The following LNX1 variants were observed in gnomAD, a reference collection of about 807,000 sequenced individuals.
The protein encoded by LNX1 is E3 ubiquitin-protein ligase LNX.
In LNX1, 54 loss-of-function variants were observed where a neutral mutation model predicts 68.4. The ratio of observed to expected loss-of-function variants is 0.79; its 90% confidence interval spans 0.63 to 0.99. The LOEUF is 0.99. Ranked by LOEUF, LNX1 falls within the 50% of genes least tolerant of loss-of-function variation. The probability of loss-of-function intolerance (pLI) is 0.00; values close to 1 mark genes in which losing one functional copy is unlikely to be tolerated. For synonymous variants in LNX1, 336 were observed against 350.0 expected (o/e 0.96, Z 0.45); for missense variants, 906 against 926.4 (o/e 0.98, Z 0.29).
At chr4:53,592,026 A>G (rs1389123482), upstream of LNX1, among the ~76,000 whole-genome samples, 3 of 152,310 alleles carry the variant, frequency 2.0e-5, no homozygotes, top group East Asian at 5.8e-4. Context: ...CTTTTAAACA[A>G]TTTGAAATAG....
chr4:53,525,939 T>G (rs1727580005), intron 2 of LNX1, among the ~76,000 whole-genome samples: 2 of 152,294 alleles, frequency 1.3e-5, no homozygotes, highest in South Asian at 4.2e-4. Flanking sequence ...TTTAATAAAA[T>G]GGGCAAAGAG....
chr4:53,603,186 C>T (rs149764909), intron 2 of LNX1, among the ~76,000 whole-genome samples: 268 of 152,290 alleles, frequency 1.8e-3, no homozygotes, highest in African/African-American at 6.2e-3. Context: ...TTGTGCTGGC[C>T]GTGGGGCCAT....
In LNX1 at chr4:53,471,794, C is replaced by G. The variant is rs538994439; in HGVS notation, c.1892+4959G>C. Among the ~76,000 whole-genome samples the G allele has an allele frequency of 7.2e-5, 11 of 152,352 alleles. No homozygotes were observed. The East Asian group carries it at 2.1e-3, about 29-fold the overall frequency. The stretch of plus-strand genomic sequence containing the variant: ...AATCAAAACCACAATGAGATACCAT[C>G]TCACACCAATTAGAATGGCGATCAT... On this transcript the variant is annotated intron_variant, in intron 9 of 10. Coordinates refer to ENST00000263925, the MANE Select transcript of LNX1 (RefSeq NM_001126328.3).
At chr4:53,570,541 C>A (rs567045438) in intron 2 of LNX1, among the ~76,000 whole-genome samples, 2 of 149,614 alleles carry the variant, frequency 1.3e-5, no homozygotes, top group African/African-American at 2.5e-5. Context: ...GGAGGGATAG[C>A]ATTGGGCGAT....
chr4:53,651,302 G>C (rs990146172), intron 1 of LNX1, among the ~76,000 whole-genome samples: 1 of 152,172 alleles, frequency 6.6e-6, no homozygotes, highest in Non-Finnish European at 1.5e-5. Flanking sequence ...CCCCCATCCT[G>C]CTCTGCACTG....
Position 53,471,347 on chromosome 4 carries a change from G to T in LNX1, c.1892+5406C>A, listed in dbSNP as rs189276220. 1.8e-3 allele frequency among the ~76,000 whole-genome samples: 271 copies of T among 152,012 alleles called. 11 individuals are homozygous for T. The East Asian group carries it at 0.05, about 28-fold the overall frequency. The stretch of plus-strand genomic sequence containing the variant: ...CCTTATACAAAAATTAATTCAAGAT[G>T]GATTAAAGACTTATATGTGAGACCT... On this transcript the variant is annotated intron_variant, in intron 9 of 10. Transcript: ENST00000263925.
Position 53,460,987 on chromosome 4 carries a change from CATGT to C in LNX1, c.2103_2106del (p.Ile701MetfsTer8). 6.2e-7 allele frequency: 1 copy of C among 1,608,224 alleles called. No homozygotes were observed. Among genetic ancestry groups the C allele is most frequent in the Non-Finnish European group, 8.5e-7 (1 of 1,177,252 alleles). ...TCTTTCAGCAGTCTTGCCAAGCAAG[CATGT>C]ATCATTCCTGATGTACTTCTACCAT... On this transcript the variant is annotated frameshift_variant, in exon 11 of 11. Coordinates refer to ENST00000263925, the MANE Select transcript of LNX1 (RefSeq NM_001126328.3). LOFTEE classifies it high-confidence loss of function.
At chr4:53,631,261 A>G (rs1408688540) in intron 1 of LNX1, among the ~76,000 whole-genome samples, 3 of 152,200 alleles carry the variant, frequency 2.0e-5, no homozygotes, top group Non-Finnish European at 2.9e-5. Context: ...CTTTGGACTG[A>G]GTAAATTAAT....
intron 2 of LNX1, among the ~76,000 whole-genome samples, chr4:53,509,665 T>C (rs1186540513): frequency 3.9e-5 from 6 of 152,248 alleles, no homozygotes; most frequent in East Asian, 1.9e-4. Flanking sequence ...AAAGTCGTCA[T>C]GGTATCTACA....
chr4:53,559,176 G>T (rs1730115627), intron 2 of LNX1, among the ~76,000 whole-genome samples: 1 of 152,196 alleles, frequency 6.6e-6, no homozygotes, highest in Non-Finnish European at 1.5e-5. Flanking sequence ...GAGTTGCAAT[G>T]AACTGCGTAG....
At chr4:53,551,048 A>G (rs1729469404) in intron 2 of LNX1, among the ~76,000 whole-genome samples, 1 of 152,178 alleles carries the variant, frequency 6.6e-6, no homozygotes. Context: ...TGTATGTCGC[A>G]GGTTAGGTTA....
chr4:53,576,026 A>T, intron 1 of LNX1: 1 of 1,570,658 alleles, frequency 6.4e-7, no homozygotes, highest in Non-Finnish European at 8.6e-7. Flanking sequence ...ACCAGCCTGA[A>T]GCCCAACACC....
chr4:53,612,603 T>C (rs1733538025), intron 2 of LNX1, among the ~76,000 whole-genome samples: 1 of 152,160 alleles, frequency 6.6e-6, no homozygotes, highest in African/African-American at 2.4e-5. Flanking sequence ...GAGAATTGCT[T>C]GAGCCTAGGA....
chr4:53,462,386 G>GT (rs1460121039), intron 9 of LNX1, among the ~76,000 whole-genome samples: 2 of 152,066 alleles, frequency 1.3e-5, no homozygotes, highest in African/African-American at 4.8e-5. Context: ...CCATAGAAGT[G>GT]TGTGTCAGGA....
chr4:53,466,931 A>G (rs559684108), intron 9 of LNX1, among the ~76,000 whole-genome samples: 5 of 152,248 alleles, frequency 3.3e-5, no homozygotes, highest in South Asian at 2.1e-4. Flanking sequence ...GGCACAGACA[A>G]ACAAAAGGCA....
At chr4:53,528,115 T>C (rs1204274487) in intron 2 of LNX1, among the ~76,000 whole-genome samples, 1 of 152,238 alleles carries the variant, frequency 6.6e-6, no homozygotes, top group East Asian at 1.9e-4. Context: ...TGTTGCCTAA[T>C]CCTTTGTGTC....
intron 1 of LNX1, among the ~76,000 whole-genome samples, chr4:53,588,674 T>C (rs1421828115): frequency 1.3e-5 from 2 of 152,176 alleles, no homozygotes; most frequent in Non-Finnish European, 2.9e-5. Context: ...TACACCATTT[T>C]AGCGTCCTTT....
intron 2 of LNX1, among the ~76,000 whole-genome samples, chr4:53,526,261 T>A (rs1410395211): frequency 6.6e-6 from 1 of 152,164 alleles, no homozygotes; most frequent in Non-Finnish European, 1.5e-5. Flanking sequence ...ATATCAGAAA[T>A]TCAATTTGAG....
chr4:53,492,831 G>C (rs1002205796), intron 6 of LNX1, among the ~76,000 whole-genome samples: 2 of 152,130 alleles, frequency 1.3e-5, no homozygotes, highest in African/African-American at 4.8e-5. Flanking sequence ...TTCAGTTTTG[G>C]ACATTAAGTT....
Sources: allele counts gnomAD v4.1 joint callset (sites outside exome capture counted in the v4.1 genomes callset), GRCh38; gene constraint gnomAD v4.1.1; transcripts MANE v1.5; gene names NCBI Gene and HGNC (gene_info 2026-07-23, HGNC 2026-07-21).